Variants in RB1 observed in about 807,000 individuals in gnomAD.
RB1 encodes retinoblastoma-associated protein.
Under a neutral mutation model 135.4 loss-of-function variants are expected in RB1, and 18 were observed. The observed-to-expected ratio is 0.13, with a 90% confidence interval of 0.09 to 0.20. The LOEUF (loss-of-function observed/expected upper bound fraction) is 0.20. RB1 is among the 10% of genes least tolerant of loss of function. The pLI is 1.00. For synonymous variants in RB1, 365 were observed against 373.2 expected, an observed-to-expected ratio of 0.98 and a Z score of 0.25; for missense variants, 868 against 1,110.0, an observed-to-expected ratio of 0.78 and a Z score of 3.10.
At chr13:48,476,865 TTTCCA>T in intron 25 of RB1, 22 bp downstream of exon 25, 1 of 1,612,598 alleles carries the variant, frequency 6.2e-7, no homozygotes, top group African/African-American at 1.3e-5. Context: ...TTTTGAATGT[TTTCCA>T]GTAGCCGAGA....
intron 2 of RB1, among the ~76,000 whole-genome samples, chr13:48,337,027 T>C (rs1314000574): frequency 5.3e-5 from 8 of 152,258 alleles, no homozygotes; most frequent in Non-Finnish European, 1.2e-4. Flanking sequence ...TCTAGTTTGA[T>C]TGCACTGTGA....
At chr13:48,307,138 TC>T in intron 1 of RB1, 141 bp from the exon 2 acceptor site, 1 of 654,316 alleles carries the variant, frequency 1.5e-6, no homozygotes, top group Non-Finnish European at 2.5e-6. Context: ...GTAATGTTTT[TC>T]TAAGATAAAA....
chr13:48,373,549 T>G, intron 12 of RB1, 57 bp downstream of exon 12: 1 of 1,157,216 alleles, frequency 8.6e-7, no homozygotes, highest in Non-Finnish European at 1.3e-6. Flanking sequence ...AACTTGAAAT[T>G]AAAAGTTAAA....
intron 2 of RB1, chr13:48,316,973 A>G: frequency 2.4e-6 from 1 of 416,316 alleles, no homozygotes; most frequent in Non-Finnish European, 4.4e-6. Flanking sequence ...GGTCGTCCCT[A>G]TCGATGACCC....
chr13:48,410,362 G>A (rs1447847717), intron 17 of RB1, among the ~76,000 whole-genome samples: 2 of 152,176 alleles, frequency 1.3e-5, no homozygotes, highest in African/African-American at 4.8e-5. Context: ...TAGCCTAGAA[G>A]CAGTAGGGTG....
intron 17 of RB1, among the ~76,000 whole-genome samples, chr13:48,443,705 A>T (rs1191565829): frequency 4.6e-5 from 7 of 152,216 alleles, no homozygotes; most frequent in African/African-American, 1.7e-4. Context: ...GGTACATTTC[A>T]TACTAAGATT....
In RB1 at chr13:48,481,649, T is replaced by G; in HGVS notation, c.*1578T>G. 4.3e-6 allele frequency: 1 copy of G among 230,992 alleles called. No individual in the cohort carries two copies. Among genetic ancestry groups the G allele is most frequent in the Non-Finnish European group, 8.6e-6 (1 of 116,470 alleles). The allele number at this position is 230,992 out of a possible 1,614,324, so 14.3% of individuals were successfully genotyped here. ...CATGAATATCATACAAATCAGTTAG[T>G]TTTTAGGTCAAGGGCTTACTATTTC... On this transcript the variant is annotated 3_prime_UTR_variant, in exon 27 of 27. Coordinates refer to ENST00000267163, the MANE Select transcript of RB1 (RefSeq NM_000321.3).
chr13:48,337,357 G>A (rs150773652), intron 2 of RB1, among the ~76,000 whole-genome samples: 1,660 of 152,236 alleles, frequency 0.011, 26 homozygotes, highest in African/African-American at 0.037. Context: ...ATGAATTTGG[G>A]TGCTCCTGTA....
chr13:48,354,291 G>C (rs1219180998), intron 6 of RB1, among the ~76,000 whole-genome samples: 1 of 151,968 alleles, frequency 6.6e-6, no homozygotes, highest in Non-Finnish European at 1.5e-5. Flanking sequence ...TATGCCAACA[G>C]TGAATAATGT....
intron 23 of RB1, among the ~76,000 whole-genome samples, chr13:48,466,498 C>T (rs1411145670): frequency 1.3e-5 from 2 of 151,324 alleles, no homozygotes; most frequent in South Asian, 2.1e-4. Context: ...AAACGCAGAG[C>T]GCCTCTCCTC....
intron 9 of RB1, among the ~76,000 whole-genome samples, chr13:48,366,858 C>T (rs1952705641): frequency 6.6e-6 from 1 of 152,078 alleles, no homozygotes; most frequent in Non-Finnish European, 1.5e-5. Flanking sequence ...GTGGCTCACG[C>T]CTGTAATTCT....
intron 13 of RB1, among the ~76,000 whole-genome samples, chr13:48,378,135 T>C (rs1952845853): frequency 6.6e-6 from 1 of 152,156 alleles, no homozygotes. Context: ...ACTTTATAAA[T>C]ACTACACTTA....
At chr13:48,425,506 G>A (rs865784560) in intron 17 of RB1, among the ~76,000 whole-genome samples, 8 of 152,124 alleles carry the variant, frequency 5.3e-5, no homozygotes, top group Admixed American at 3.3e-4. Context: ...TAGTTTAGAC[G>A]CTGCAAAGTG....
In RB1 at chr13:48,459,970, T is replaced by C. The variant is rs1566235908; in HGVS notation, c.2106+137T>C. ...CTTTCTTTTTCTTTCTTTCTTTCTC[T>C]CTTTCTTTCTTTTTTTTGAGATAGA... On this transcript the variant is annotated intron_variant, in intron 20 of 26. Coordinates refer to ENST00000267163, the MANE Select transcript of RB1 (RefSeq NM_000321.3). 6.0e-6 allele frequency: 2 copies of C among 335,378 alleles called. 1 individual carries two copies. The highest frequency in any genetic ancestry group is 9.5e-5 in the African/African-American group (2 of 21,104). 20.8% of individuals were successfully genotyped at this position (335,378 alleles called of 1,614,324 possible).
chr13:48,444,152 A>G (rs2138314387), intron 17 of RB1, among the ~76,000 whole-genome samples: 1 of 152,210 alleles, frequency 6.6e-6, no homozygotes, highest in African/African-American at 2.4e-5. Context: ...AGAACTTCTG[A>G]CCTACTGGCT....
intron 1 of RB1, among the ~76,000 whole-genome samples, chr13:48,305,024 A>G (rs1263986942): frequency 6.6e-6 from 1 of 152,204 alleles, no homozygotes; most frequent in Non-Finnish European, 1.5e-5. Flanking sequence ...GTATTACAAC[A>G]TCTTACTTTT....
intron 17 of RB1, among the ~76,000 whole-genome samples, chr13:48,431,732 C>T (rs766091172): frequency 1.5e-4 from 23 of 152,092 alleles, no homozygotes; most frequent in Admixed American, 5.2e-4. Flanking sequence ...AAAGCCCAGC[C>T]GTTTGTTGTT....
At chr13:48,430,126 T>C (rs993987252) in intron 17 of RB1, among the ~76,000 whole-genome samples, 1 of 152,184 alleles carries the variant, frequency 6.6e-6, no homozygotes, top group Admixed American at 6.5e-5. Context: ...CCAAACCAGA[T>C]TATTATTAGA....
chr13:48,317,962 C>T (rs1459285857), intron 2 of RB1: 2 of 443,780 alleles, frequency 4.5e-6, no homozygotes, highest in Non-Finnish European at 8.6e-6. Flanking sequence ...CCGCCAAAAA[C>T]TTACTAATCT....
Sources: allele counts gnomAD v4.1 joint callset (sites outside exome capture counted in the v4.1 genomes callset), GRCh38; gene constraint gnomAD v4.1.1; transcripts MANE v1.5; gene names NCBI Gene and HGNC (gene_info 2026-07-23, HGNC 2026-07-21).